The following GCA variants were observed in gnomAD, a reference collection of about 807,000 sequenced individuals.
The protein encoded by GCA is grancalcin.
GCA carries 30 observed loss-of-function variants against 32.6 expected under a neutral mutation model. That is an observed-to-expected ratio of 0.92 (90% confidence interval 0.69 to 1.25). GCA has a LOEUF of 1.25. GCA is among the 50% of genes most tolerant of loss of function. The pLI is 0.00. For missense variants in GCA, 291 were observed against 266.8 expected (o/e 1.09, Z -0.63); for synonymous variants, 102 against 84.6 (o/e 1.21, Z -1.13).
intron 3 of GCA, among the ~76,000 whole-genome samples, chr2:162,355,753 A>G (rs1334664028): frequency 1.3e-5 from 2 of 151,030 alleles, no homozygotes; most frequent in East Asian, 3.9e-4. Flanking sequence ...TCTCCCCCCA[A>G]CCCCCGAGAA....
At chr2:162,359,327 C>CTT (rs113970923) in intron 6 of GCA, 167 bp from the exon 7 acceptor site, 19,851 of 598,362 alleles carry the variant, frequency 0.033, 1,511 homozygotes, top group Admixed American at 0.18. Flanking sequence ...ATGATAAAAA[C>CTT]GTTATGTTAT....
At chr2:162,364,733 C>T (rs1685696988), downstream of GCA, among the ~76,000 whole-genome samples, 1 of 151,248 alleles carries the variant, frequency 6.6e-6, no homozygotes, top group Non-Finnish European at 1.5e-5. Context: ...AGAGAAGCAA[C>T]AGGGGGAGGA....
Position 162,360,213 on chromosome 2 carries a change from T to C in GCA, c.628-4T>C. On this transcript the variant is annotated splice_polypyrimidine_tract_variant and splice_region_variant and intron_variant, in intron 7 of 7. Transcript: ENST00000437150. ...AATAGATAATAATTTCACTTATGTA[T>C]TAGTTTTTGCAGGGCACTATGGCAA... 1 of 1,492,376 alleles carries C rather than the reference T, an allele frequency of 6.7e-7. No individual in the cohort carries two copies. 92.4% of individuals were successfully genotyped at this position (1,492,376 alleles called of 1,614,324 possible).
chr2:162,342,011 A>C, upstream of GCA, among the ~76,000 whole-genome samples: 1 of 152,344 alleles, frequency 6.6e-6, no homozygotes, highest in African/African-American at 2.4e-5. Context: ...ATTAAAAGAA[A>C]AATATTTAAA....
chr2:162,360,199 A>C lies in GCA; in HGVS notation c.628-18A>C. ...ACCATTTTATTCTTAATAGATAATA[A>C]TTTCACTTATGTATTAGTTTTTGCA... On this transcript the variant is annotated intron_variant, in intron 7 of 7. Transcript: ENST00000437150. 1 of 1,414,592 alleles carries C rather than the reference A, an allele frequency of 7.1e-7. No homozygotes were observed. The highest frequency in any genetic ancestry group is 9.9e-7 in the Non-Finnish European group (1 of 1,009,984). 87.6% of individuals were successfully genotyped at this position (1,414,592 alleles called of 1,614,324 possible).
intron 1 of GCA, chr2:162,319,289 G>A (rs926410708): frequency 2.2e-6 from 1 of 455,846 alleles, no homozygotes; most frequent in African/African-American, 2.0e-5. Flanking sequence ...TAGATTGCTG[G>A]TATTTATGCA....
downstream of GCA, among the ~76,000 whole-genome samples, chr2:162,373,154 TA>T (rs1452037919): frequency 2.0e-5 from 3 of 152,146 alleles, no homozygotes; most frequent in Non-Finnish European, 4.4e-5. Context: ...GACTATTCCT[TA>T]GATTTCAAAG....
intron 1 of GCA, among the ~76,000 whole-genome samples, chr2:162,319,756 T>C (rs1450142275): frequency 6.6e-6 from 1 of 152,186 alleles, no homozygotes; most frequent in African/African-American, 2.4e-5. Flanking sequence ...AATCTCATGG[T>C]CCAGAATTAT....
chr2:162,348,242 T>G (rs1476612811), intron 2 of GCA, among the ~76,000 whole-genome samples: 1 of 152,192 alleles, frequency 6.6e-6, no homozygotes, highest in Non-Finnish European at 1.5e-5. Flanking sequence ...CAAAAATGAC[T>G]ATTGGAAATT....
chr2:162,336,766 T>C (rs1372223664), intron 1 of GCA, among the ~76,000 whole-genome samples: 1 of 152,248 alleles, frequency 6.6e-6, no homozygotes, highest in East Asian at 1.9e-4. Flanking sequence ...TTTATCTGGA[T>C]TTTTGGTTTA....
At chr2:162,353,669 T>G (rs1384878924) in intron 3 of GCA, among the ~76,000 whole-genome samples, 1 of 152,332 alleles carries the variant, frequency 6.6e-6, no homozygotes, top group South Asian at 2.1e-4. Context: ...CTGGATGTGA[T>G]GTGATTTGTT....
chr2:162,374,293 A>T (rs1004277700), downstream of GCA, among the ~76,000 whole-genome samples: 6 of 152,130 alleles, frequency 3.9e-5, no homozygotes, highest in Admixed American at 2.6e-4. Flanking sequence ...GCTTCTAATG[A>T]CCCATCTGGC....
intron 1 of GCA, among the ~76,000 whole-genome samples, chr2:162,324,326 G>A (rs990481218): frequency 1.9e-4 from 29 of 152,126 alleles, no homozygotes; most frequent in African/African-American, 7.0e-4. Context: ...ATTGAGTGGA[G>A]GTAGCTCAGG....
At chr2:162,328,218 CAAAAAAA>C (rs35156397) in intron 1 of GCA, among the ~76,000 whole-genome samples, 21 of 90,050 alleles carry the variant, frequency 2.3e-4, no homozygotes, top group Middle Eastern at 5.5e-3. Context: ...CTGTTTCTAC[CAAAAAAA>C]AAAAAAAAAA....
At chr2:162,370,992 A>G (rs1685914875) in intron 4 of GCA, among the ~76,000 whole-genome samples, 1 of 152,050 alleles carries the variant, frequency 6.6e-6, no homozygotes, top group Non-Finnish European at 1.5e-5. Context: ...ATGTCCGCTC[A>G]GGATTGCTTT....
chr2:162,324,381 A>G (rs1201513342), intron 1 of GCA, among the ~76,000 whole-genome samples: 4 of 152,200 alleles, frequency 2.6e-5, no homozygotes, highest in Non-Finnish European at 5.9e-5. Flanking sequence ...CCCTGGAATC[A>G]GGCCACTCAG....
At chr2:162,337,985 G>A (rs955081898) in intron 1 of GCA, among the ~76,000 whole-genome samples, 3 of 152,028 alleles carry the variant, frequency 2.0e-5, no homozygotes, top group African/African-American at 7.3e-5. Context: ...AAAATAATCA[G>A]TTCATGTTTT....
chr2:162,363,251 T>A (rs1022734258), downstream of GCA, among the ~76,000 whole-genome samples: 1 of 151,428 alleles, frequency 6.6e-6, no homozygotes, highest in African/African-American at 2.4e-5. Context: ...GATGAGTAAA[T>A]TCCAAGATTT....
chr2:162,372,443 G>A (rs1437991447), downstream of GCA, among the ~76,000 whole-genome samples: 3 of 152,088 alleles, frequency 2.0e-5, no homozygotes, highest in Non-Finnish European at 4.4e-5. Flanking sequence ...GAATAAGAGG[G>A]TATAAGGAGG....
Sources: allele counts gnomAD v4.1 joint callset (sites outside exome capture counted in the v4.1 genomes callset), GRCh38; gene constraint gnomAD v4.1.1; transcripts MANE v1.5; gene names NCBI Gene and HGNC (gene_info 2026-07-23, HGNC 2026-07-21).